Variants in LAMB1 observed in about 807,000 individuals in gnomAD.
The protein encoded by LAMB1 is laminin subunit beta-1.
Under a neutral mutation model 222.3 loss-of-function variants are expected in LAMB1, and 121 were observed. That is an observed-to-expected ratio of 0.54 (90% CI 0.47 to 0.63). The LOEUF (loss-of-function observed/expected upper bound fraction) is 0.63, where lower values mean the gene tolerates loss of function less well. LAMB1 is among the 30% of genes least tolerant of loss of function. The pLI is 0.00. For missense variants in LAMB1, 2,172 were observed against 2,240.8 expected, an observed-to-expected ratio of 0.97 and a Z score of 0.62; for synonymous variants, 794 against 807.2, an observed-to-expected ratio of 0.98 and a Z score of 0.28.
intron 10 of LAMB1, 56 bp from the exon 11 acceptor site, chr7:107,975,469 G>T (rs2033833741): frequency 1.4e-6 from 2 of 1,465,698 alleles, no homozygotes; most frequent in East Asian, 2.4e-5. Flanking sequence ...ATGTATCTTT[G>T]TATAAATACA....
intron 13 of LAMB1, among the ~76,000 whole-genome samples, chr7:107,968,151 C>G (rs1238275930): frequency 2.0e-5 from 3 of 152,134 alleles, no homozygotes; most frequent in African/African-American, 7.2e-5. Flanking sequence ...CTAATCGCAC[C>G]TTTCAAATCT....
At chr7:108,000,276 T>A (rs1030048656) in intron 3 of LAMB1, among the ~76,000 whole-genome samples, 18 of 152,236 alleles carry the variant, frequency 1.2e-4, no homozygotes, top group African/African-American at 3.9e-4. Context: ...CATCTCTGTA[T>A]AAACCTGGAA....
intron 24 of LAMB1, among the ~76,000 whole-genome samples, chr7:107,948,610 A>G (rs1422268729): frequency 6.6e-6 from 1 of 152,202 alleles, no homozygotes. Flanking sequence ...AATGATGTAT[A>G]CATATAAATG....
intron 14 of LAMB1, among the ~76,000 whole-genome samples, chr7:107,963,821 A>G (rs911681484): frequency 1.3e-5 from 2 of 152,232 alleles, no homozygotes; most frequent in Non-Finnish European, 2.9e-5. Flanking sequence ...CACTATCGCC[A>G]GGCACAGTGG....
chr7:107,972,152 G>T (rs1016612649), intron 13 of LAMB1, among the ~76,000 whole-genome samples: 1 of 152,148 alleles, frequency 6.6e-6, no homozygotes, highest in East Asian at 1.9e-4. Flanking sequence ...GCACGACCTC[G>T]AACAGAACAA....
intron 29 of LAMB1, among the ~76,000 whole-genome samples, chr7:107,930,544 G>C (rs1562973819): frequency 6.6e-6 from 1 of 152,134 alleles, no homozygotes; most frequent in African/African-American, 2.4e-5. Context: ...GTGAATTACT[G>C]TAATCGCATT....
At chr7:107,932,103 C>G in intron 28 of LAMB1, 71 bp downstream of exon 28, 2 of 1,349,262 alleles carry the variant, frequency 1.5e-6, no homozygotes, top group Admixed American at 3.4e-5. Context: ...TGATTTCTCC[C>G]TTTCAGATCC....
At chr7:107,990,445 T>C (rs577446151) in intron 5 of LAMB1, among the ~76,000 whole-genome samples, 2 of 152,330 alleles carry the variant, frequency 1.3e-5, no homozygotes, top group African/African-American at 2.4e-5. Flanking sequence ...GCCATCTCTA[T>C]GGCGAACTTG....
Position 107,932,303 on chromosome 7 carries a change from T to G in LAMB1, c.4263A>C (p.Gly1421=). ...AGCCAGGCCCCCCACACTTCCTCTC[T>G]CCTTCGTCAGTTCTGCAGTTTGGCC... ...CGGPNCRTDE[G]ERKCGGPGCG... is the part of the protein sequence containing the mutation. Residue 1421 remains glycine, a synonymous_variant, in exon 28 of 34, where the codon GGA becomes GGC. Transcript: ENST00000222399. 1 of 1,614,146 alleles carries G rather than the reference T, an allele frequency of 6.2e-7. No individual in the cohort carries two copies. Among genetic ancestry groups the G allele is most frequent in the Non-Finnish European group, 8.5e-7 (1 of 1,180,020 alleles).
chr7:107,985,621 C>T (rs1584532955), intron 7 of LAMB1, among the ~76,000 whole-genome samples: 1 of 150,822 alleles, frequency 6.6e-6, no homozygotes, highest in South Asian at 2.1e-4. Flanking sequence ...AAGAGTGAAA[C>T]TCCATCTCAA....
At chr7:107,929,371 A>G (rs530278809) in intron 30 of LAMB1, 41 bp downstream of exon 30, 4 of 1,564,580 alleles carry the variant, frequency 2.6e-6, no homozygotes, top group Non-Finnish European at 3.5e-6. Flanking sequence ...TCCATGATAG[A>G]TACACAAAAT....
At chr7:107,979,936 G>T (rs912528131) in intron 8 of LAMB1, among the ~76,000 whole-genome samples, 1 of 151,972 alleles carries the variant, frequency 6.6e-6, no homozygotes, top group Non-Finnish European at 1.5e-5. Flanking sequence ...AGCCAGATAC[G>T]GTGGCACATG....
intron 5 of LAMB1, among the ~76,000 whole-genome samples, chr7:107,989,444 C>T (rs1449156843): frequency 3.9e-5 from 6 of 152,140 alleles, no homozygotes; most frequent in Non-Finnish European, 7.4e-5. Context: ...TTCCTTTAGC[C>T]CTCCTTAATA....
intron 4 of LAMB1, among the ~76,000 whole-genome samples, chr7:107,997,114 T>C (rs780596330): frequency 3.0e-4 from 45 of 152,158 alleles, no homozygotes; most frequent in Non-Finnish European, 6.5e-4. Context: ...ACCAATAGTC[T>C]AGAAAATATT....
chr7:107,944,202 G>A (rs886650448), intron 24 of LAMB1, among the ~76,000 whole-genome samples: 6 of 152,188 alleles, frequency 3.9e-5, no homozygotes, highest in Admixed American at 2.6e-4. Flanking sequence ...GCATGCATAC[G>A]TTGATTTATT....
At chr7:107,944,327 C>T (rs1481249265) in intron 24 of LAMB1, among the ~76,000 whole-genome samples, 3 of 152,140 alleles carry the variant, frequency 2.0e-5, no homozygotes, top group African/African-American at 7.2e-5. Context: ...ACTTAAAAGG[C>T]AGATAAGGCT....
At chr7:107,996,393 G>A (rs1373902789) in intron 4 of LAMB1, among the ~76,000 whole-genome samples, 3 of 152,132 alleles carry the variant, frequency 2.0e-5, no homozygotes, top group East Asian at 1.9e-4. Flanking sequence ...AGATCATCAC[G>A]ATGGGTAAAA....
intron 2 of LAMB1, 139 bp from the exon 3 acceptor site, chr7:108,001,872 C>T (rs1405668430): frequency 1.5e-5 from 23 of 1,491,776 alleles, no homozygotes; most frequent in Non-Finnish European, 2.1e-5. Flanking sequence ...ACAGAAAAGA[C>T]AATGGAGAGA....
chr7:107,981,033 C>A (rs368498192), intron 7 of LAMB1, among the ~76,000 whole-genome samples: 25 of 152,184 alleles, frequency 1.6e-4, no homozygotes, highest in African/African-American at 5.3e-4. Flanking sequence ...GAATGTCGGC[C>A]GGGCGTGGTA....
Sources: allele counts gnomAD v4.1 joint callset (sites outside exome capture counted in the v4.1 genomes callset), GRCh38; gene constraint gnomAD v4.1.1; transcripts MANE v1.5; gene names NCBI Gene and HGNC (gene_info 2026-07-23, HGNC 2026-07-21).